The following LYRM4 variants were observed in gnomAD, a reference collection of about 807,000 sequenced individuals.
The protein encoded by LYRM4 is LYR motif containing 4, also known as LYR motif-containing protein 4.
In LYRM4, 9 loss-of-function variants were observed where a neutral mutation model predicts 11.7. The observed-to-expected ratio is 0.77, with a 90% CI of 0.46 to 1.34. The LOEUF (loss-of-function observed/expected upper bound fraction) is 1.34, where lower values mean the gene tolerates loss of function less well. Ranked by LOEUF, LYRM4 falls within the 40% of genes most tolerant of loss-of-function variation. LYRM4 has a pLI of 0.00. For synonymous variants in LYRM4, 42 were observed against 40.4 expected (o/e 1.04, Z -0.15); for missense variants, 133 against 112.5 (o/e 1.18, Z -0.82).
chr6:5,101,228 C>T (rs532059551), downstream of LYRM4, among the ~76,000 whole-genome samples: 8 of 152,210 alleles, frequency 5.3e-5, no homozygotes, highest in Non-Finnish European at 8.8e-5. Flanking sequence ...TTATCTGTGC[C>T]TCTCCCAGGG....
At chr6:5,085,358 TG>T in the LYRM4 span, 1 of 672,260 alleles carries the variant, frequency 1.5e-6, no homozygotes, top group Non-Finnish European at 2.4e-6. Context: ...TTGTCGAGCC[TG>T]GGGCGACTCG....
the LYRM4 span, chr6:5,085,800 G>A: frequency 2.0e-6 from 3 of 1,529,320 alleles, no homozygotes; most frequent in Non-Finnish European, 2.6e-6. Context: ...AGCAGCAACA[G>A]GCGGTGGCAC....
At position 5,257,087 on chromosome 6, in the gene LYRM4, A is replaced by C. The variant is rs1278763404; in HGVS notation, c.86+3561T>G. On this transcript the variant is annotated intron_variant, in intron 1 of 2. Coordinates refer to ENST00000330636, the MANE Select transcript of LYRM4 (RefSeq NM_020408.6). ...CATTTGATGTCCTTGGCCCCTCAAA[A>C]TCATCTTCTACACTGCTGCCAGAGT... Among the ~76,000 whole-genome samples the C allele has an allele frequency of 2.6e-5, 4 of 152,270 alleles. No individual in the cohort carries two copies. The East Asian group carries it at 7.7e-4, about 29-fold the overall frequency.
chr6:5,182,584 T>A (rs429031), intron 2 of LYRM4, among the ~76,000 whole-genome samples: 52,324 of 152,118 alleles, frequency 0.34, 10,367 homozygotes, highest in African/African-American at 0.56. Context: ...AATACTTTAG[T>A]TGTATATCAT....
chr6:5,065,520 T>C, the LYRM4 span, among the ~76,000 whole-genome samples: 1 of 152,180 alleles, frequency 6.6e-6, no homozygotes, highest in African/African-American at 2.4e-5. Flanking sequence ...ACAGTGAAAG[T>C]GAAATATTTA....
intron 1 of LYRM4, among the ~76,000 whole-genome samples, chr6:5,242,479 G>A (rs943955873): frequency 6.6e-6 from 1 of 151,616 alleles, no homozygotes; most frequent in South Asian, 2.1e-4. Flanking sequence ...CAGCACTTTG[G>A]GGGGCCGAGG....
At position 5,144,267 on chromosome 6, in the gene LYRM4, A is replaced by G. The variant is rs376200572; in HGVS notation, c.208-34776T>C. On this transcript the variant is annotated intron_variant, in intron 2 of 2. Transcript: ENST00000330636. Reference sequence around the variant, plus strand: ...GGCTGTGCCTTGCTCAGCTACCTGCACTGAGATACAGGCAAGTCTTGGGTG... The same window carrying G: ...GGCTGTGCCTTGCTCAGCTACCTGCGCTGAGATACAGGCAAGTCTTGGGTG... 515 of 1,537,026 alleles carry G rather than the reference A, an allele frequency of 3.4e-4. 3 individuals are homozygous for G. The highest frequency in any genetic ancestry group is 3.0e-3 in the African/African-American group (219 of 73,140).
downstream of LYRM4, chr6:5,107,073 G>T (rs151142901): frequency 3.3e-5 from 5 of 152,282 alleles, no homozygotes; most frequent in African/African-American, 4.8e-5. Flanking sequence ...AAAGGTGGAG[G>T]ACCAAGGCCT....
chr6:5,182,569 C>A (rs1056895369), intron 2 of LYRM4, among the ~76,000 whole-genome samples: 1 of 152,070 alleles, frequency 6.6e-6, no homozygotes, highest in African/African-American at 2.4e-5. Context: ...TATTGAAAAC[C>A]CATCAATACT....
the LYRM4 span, among the ~76,000 whole-genome samples, chr6:5,097,251 GTCTAATATAT>G: frequency 6.6e-6 from 1 of 152,256 alleles, no homozygotes; most frequent in Non-Finnish European, 1.5e-5. Flanking sequence ...AAAGCCAACA[GTCTAATATAT>G]CTATATGTTT....
intron 2 of LYRM4, among the ~76,000 whole-genome samples, chr6:5,133,886 T>G (rs1764069494): frequency 6.6e-6 from 1 of 152,232 alleles, no homozygotes; most frequent in Non-Finnish European, 1.5e-5. Flanking sequence ...GCTTCTTTCA[T>G]TTACCGCAGT....
intron 1 of LYRM4, among the ~76,000 whole-genome samples, chr6:5,235,982 AC>A (rs34017127): frequency 0.049 from 7,455 of 152,246 alleles, 600 homozygotes; most frequent in African/African-American, 0.16. Flanking sequence ...CTTTTTTGAC[AC>A]TATCTGAGAG....
chr6:5,131,516 A>G (rs1763951532), intron 2 of LYRM4, among the ~76,000 whole-genome samples: 1 of 152,330 alleles, frequency 6.6e-6, no homozygotes, highest in African/African-American at 2.4e-5. Context: ...CTTGGCCAAC[A>G]TAGCAACACC....
In LYRM4 at chr6:5,202,959, G is replaced by C. The variant is rs192948577; in HGVS notation, c.207+13659C>G. 2.1e-3 allele frequency among the ~76,000 whole-genome samples: 326 copies of C among 152,174 alleles called. 2 individuals are homozygous for C. The highest frequency in any genetic ancestry group is 6.9e-3 in the African/African-American group (285 of 41,502). On this transcript the variant is annotated intron_variant, in intron 2 of 2. Transcript: ENST00000330636. ...GGCACTGTGATAAGTGTGAGACAGA[G>C]AGGACAGCCCTAGTCTCCAAGGAGA...
chr6:5,224,248 C>T (rs375598598), intron 1 of LYRM4, among the ~76,000 whole-genome samples: 2 of 152,094 alleles, frequency 1.3e-5, no homozygotes, highest in East Asian at 3.8e-4. Flanking sequence ...AAATTAGTGG[C>T]ATAAAACAAT....
chr6:5,216,709 G>T lies in LYRM4; in HGVS notation c.116C>A (p.Ala39Asp). Residue 39 changes from alanine (A) to aspartate (D), a missense_variant, in exon 2 of 3, where the codon GCC becomes GAC. Ala to Asp is a moderately radical substitution (Grantham distance 126). Coordinates refer to ENST00000330636, the MANE Select transcript of LYRM4 (RefSeq NM_020408.6). ...RTYAVRRIRD[A>D]FRENKNVKDP... is the part of the protein sequence containing the mutation. ...CTTTACATTTTTATTTTCTCTGAAG[G>T]CATCTCTTATCCTCCTGACAGCATA... is the stretch of plus-strand genomic sequence containing the variant. 10 of 1,613,332 alleles carry T rather than the reference G, an allele frequency of 6.2e-6. No homozygotes were observed. Among genetic ancestry groups the T allele is most frequent in the Non-Finnish European group, 8.5e-6 (10 of 1,179,910 alleles).
chr6:5,243,676 A>T (rs1764013860), intron 1 of LYRM4, among the ~76,000 whole-genome samples: 1 of 152,234 alleles, frequency 6.6e-6, no homozygotes, highest in South Asian at 2.1e-4. Context: ...TTACCAGAAG[A>T]CTATATATGA....
chr6:5,118,329 C>T (rs185574053), intron 2 of LYRM4, among the ~76,000 whole-genome samples: 77 of 152,146 alleles, frequency 5.1e-4, no homozygotes, highest in African/African-American at 1.7e-3. Context: ...GTTGGCCAGG[C>T]CGGTCGCAAA....
intron 2 of LYRM4, among the ~76,000 whole-genome samples, chr6:5,178,985 T>A (rs1759895282): frequency 2.0e-5 from 3 of 148,268 alleles, no homozygotes; most frequent in African/African-American, 7.5e-5. Flanking sequence ...TAGAAAATGA[T>A]CTATAGGCCA....
Sources: allele counts gnomAD v4.1 joint callset (sites outside exome capture counted in the v4.1 genomes callset), GRCh38; gene constraint gnomAD v4.1.1; transcripts MANE v1.5; gene names NCBI Gene and HGNC (gene_info 2026-07-23, HGNC 2026-07-21).